The following BDP1 variants were observed in gnomAD, a reference collection of about 807,000 sequenced individuals.
BDP1 encodes the protein BDP1 general transcription factor IIIB subunit.
Under a neutral mutation model 266.6 loss-of-function variants are expected in BDP1, and 169 were observed. The ratio of observed to expected loss-of-function variants is 0.63; its 90% CI spans 0.56 to 0.72. The LOEUF (loss-of-function observed/expected upper bound fraction) is 0.72. Ranked by LOEUF, BDP1 falls within the 30% of genes least tolerant of loss-of-function variation. The pLI, the probability that BDP1 is intolerant of heterozygous loss-of-function variation, is 0.00. For missense variants in BDP1, 3,015 were observed against 3,053.8 expected (o/e 0.99, Z 0.30); for synonymous variants, 1,090 against 1,022.4 (o/e 1.07, Z -1.26).
At chr5:71,503,152 A>T (rs1404371605) in intron 15 of BDP1, among the ~76,000 whole-genome samples, 1 of 151,866 alleles carries the variant, frequency 6.6e-6, no homozygotes, top group Admixed American at 6.6e-5. Flanking sequence ...ACGCCTGGCT[A>T]ATTTTTGTAT....
chr5:71,461,058 C>T (rs1761525927), intron 2 of BDP1, among the ~76,000 whole-genome samples: 2 of 152,214 alleles, frequency 1.3e-5, no homozygotes, highest in Non-Finnish European at 1.5e-5. Context: ...CAGTTCACTG[C>T]AGCCTCAACC....
At position 71,541,552 on chromosome 5, in the gene BDP1, G is replaced by A. The variant is rs772354301; in HGVS notation, c.6121G>A (p.Glu2041Lys). ...TCACAAAATTGTTCATGAATGTCAG[G>A]AACTTTCTTCACCTGTCATTACTAC... ...VNHKIVHECQ[E>K]LSSPVITTSP... The change falls in exon 29 of 39, where the codon GAA becomes AAA. Residue 2041 changes from glutamate (E) to lysine (K), a missense_variant. Physicochemically the swap from Glu to Lys is moderately conservative, Grantham distance 56 (BLOSUM62 1). Around this residue, in one of 3 missense-constraint regions of BDP1, gnomAD observed 2,383 missense variants for 2,404.9 expected, o/e 0.99. Transcript: ENST00000358731. 1.2e-6 allele frequency: 2 copies of A among 1,612,044 alleles called. No homozygotes were observed. The highest frequency in any genetic ancestry group is 1.7e-6 in the Non-Finnish European group (2 of 1,178,788).
At chr5:71,556,594 T>G (rs1173664137) in intron 35 of BDP1, among the ~76,000 whole-genome samples, 2 of 152,194 alleles carry the variant, frequency 1.3e-5, no homozygotes, top group Non-Finnish European at 2.9e-5. Context: ...CGAGCTCTAC[T>G]TGATTGTGAT....
chr5:71,503,585 C>G (rs1764394627), intron 15 of BDP1, among the ~76,000 whole-genome samples: 1 of 152,098 alleles, frequency 6.6e-6, no homozygotes, highest in Non-Finnish European at 1.5e-5. Context: ...ATTCCAAGAA[C>G]AAAGACTGTG....
Position 71,522,419 on chromosome 5 carries a change from C to T in BDP1, c.5122C>T (p.Gln1708Ter). 1 of 1,612,728 alleles carries T rather than the reference C, an allele frequency of 6.2e-7. No homozygotes were observed. Among genetic ancestry groups the T allele is most frequent in the South Asian group, 1.1e-5 (1 of 91,022 alleles). Reference protein sequence around the residue: ...EPVLEKVTTDQSKEGKPEDHL... With the variant: ...EPVLEKVTTD ...AGTTTTAGAAAAAGTCACAACAGAT[C>T]AGAGCAAGGAAGGCAAGCCAGAAGA... The change falls in exon 23 of 39, where the codon CAG becomes TAG. Residue 1708 changes from glutamine (Q) to a stop codon, truncating the protein, a stop_gained. Coordinates refer to ENST00000358731, the MANE Select transcript of BDP1 (RefSeq NM_018429.3). LOFTEE classifies it high-confidence loss of function.
Position 71,497,334 on chromosome 5 carries a change from A to C in BDP1, c.1864A>C (p.Asn622His). 2.5e-6 allele frequency: 4 copies of C among 1,613,918 alleles called. No homozygotes were observed. Among genetic ancestry groups the C allele is most frequent in the Non-Finnish European group, 3.4e-6 (4 of 1,179,934 alleles). ...LRGRFQRPKP[N>H]LSRAGKKSVL... ...AGGTCGCTTCCAAAGACCTAAACCCAATTTGTCAAGGGCTGGGAAGAAATC... is the reference window on the plus strand; with the variant it reads ...AGGTCGCTTCCAAAGACCTAAACCCCATTTGTCAAGGGCTGGGAAGAAATC... Residue 622 changes from asparagine to histidine, a missense_variant, in exon 13 of 39, where the codon AAT becomes CAT. By Grantham distance (68) the Asn-to-His change is moderately conservative. Transcript: ENST00000358731.
chr5:71,462,242 C>T (rs1021991807), intron 3 of BDP1, among the ~76,000 whole-genome samples: 3 of 152,150 alleles, frequency 2.0e-5, no homozygotes, highest in African/African-American at 4.8e-5. Flanking sequence ...AGATTACAGG[C>T]GTGAGCCACT....
rs1765656746 is a variant in BDP1 at position 71,524,272 on chromosome 5, T to G, written c.5721T>G (p.Gly1907=). The G allele has an allele frequency of 1.2e-6, 2 of 1,609,746 alleles. No homozygotes were observed. Among genetic ancestry groups the G allele is most frequent in the Non-Finnish European group, 1.7e-6 (2 of 1,176,158 alleles). The change falls in exon 25 of 39, where the codon GGT becomes GGG. Residue 1907 remains glycine (G), a synonymous_variant. Transcript: ENST00000358731. ...VNKAPVFVPV[G]LRSPEPVSAQ... ...AAGCTCCAGTATTTGTACCTGTTGG[T>G]CTCAGATCTCCTGAACCTGTTTCTG... is the stretch of plus-strand genomic sequence containing the variant.
intron 9 of BDP1, 68 bp downstream of exon 9, chr5:71,486,695 G>A (rs543758065): frequency 5.5e-6 from 7 of 1,282,764 alleles, no homozygotes; most frequent in East Asian, 2.8e-5. Context: ...TGTCCCTCAG[G>A]CCTTTGAGAG....
At chr5:71,555,844 T>C (rs1040907505) in intron 35 of BDP1, among the ~76,000 whole-genome samples, 5 of 152,218 alleles carry the variant, frequency 3.3e-5, no homozygotes, top group African/African-American at 9.6e-5. Flanking sequence ...TCATTACTTA[T>C]ATGTTCTCAA....
At position 71,567,088 on chromosome 5, in the gene BDP1, T is replaced by A. The variant is rs1561801276; in HGVS notation, c.*2203T>A. 6.6e-6 allele frequency: 1 copy of A among 152,238 alleles called. No individual in the cohort carries two copies. The highest frequency in any genetic ancestry group is 1.5e-5 in the Non-Finnish European group (1 of 68,042). 9.4% of individuals were successfully genotyped at this position (152,238 alleles called of 1,614,324 possible). A position where few individuals can be genotyped will look rare whatever the true frequency, so the allele number is the denominator to read the frequency against. On this transcript the variant is annotated 3_prime_UTR_variant, in exon 39 of 39. Transcript: ENST00000358731. ...TATAAGTAGGCATTTATTTCATGATTGATATGTCACAGAAATCATGGTAGT... is the reference window on the plus strand; with the variant it reads ...TATAAGTAGGCATTTATTTCATGATAGATATGTCACAGAAATCATGGTAGT...
chr5:71,553,985 C>A (rs1057261897), intron 35 of BDP1, among the ~76,000 whole-genome samples: 3 of 152,186 alleles, frequency 2.0e-5, no homozygotes, highest in Non-Finnish European at 2.9e-5. Context: ...AATTCAGTCA[C>A]CAACCACTAT....
chr5:71,500,242 G>A (rs1195987253), intron 13 of BDP1, among the ~76,000 whole-genome samples: 1 of 145,534 alleles, frequency 6.9e-6, no homozygotes, highest in Non-Finnish European at 1.5e-5. Context: ...ACAGATTCAT[G>A]TAAAAGTTAA....
Position 71,512,152 on chromosome 5 carries a change from GT to G in BDP1, c.4060-86del, listed in dbSNP as rs1391290491. On this transcript the variant is annotated intron_variant, in intron 17 of 38. Transcript: ENST00000358731. ...AACTTCTAAAGTTTTAAAGGAAAGT[GT>G]TTAGAATTTAGTAGACTTTTGTTTT... 3.0e-5 allele frequency: 19 copies of G among 625,062 alleles called. No homozygotes were observed. In the Admixed American group the frequency reaches 5.4e-4, roughly 18 times the overall value. The allele number at this position is 625,062 out of a possible 1,614,324, so 38.7% of individuals were successfully genotyped here. A position where few individuals can be genotyped will look rare whatever the true frequency, so the allele number is the denominator to read the frequency against.
downstream of BDP1, among the ~76,000 whole-genome samples, chr5:71,568,326 G>A (rs916582366): frequency 3.3e-5 from 5 of 152,094 alleles, no homozygotes; most frequent in Non-Finnish European, 7.4e-5. Flanking sequence ...ACTAAAAATC[G>A]GCAGTCTTAC....
intron 7 of BDP1, among the ~76,000 whole-genome samples, chr5:71,480,294 T>G (rs146810796): frequency 2.4e-4 from 19 of 79,776 alleles, no homozygotes; most frequent in Non-Finnish European, 2.7e-4. Flanking sequence ...TTTTTTTTTT[T>G]TTTTTTTTTT....
intron 35 of BDP1, among the ~76,000 whole-genome samples, chr5:71,554,280 ACTTTTC>A (rs1363901200): frequency 6.6e-6 from 1 of 152,140 alleles, no homozygotes; most frequent in South Asian, 2.1e-4. Context: ...CTATGAACTG[ACTTTTC>A]CTTTACCCAC....
rs1561728212 is a variant in BDP1, at chr5:71,510,352, TAG to T, written c.3264_3265del (p.Glu1088AspfsTer7). On this transcript the variant is annotated frameshift_variant, in exon 17 of 39. Coordinates refer to ENST00000358731, the MANE Select transcript of BDP1 (RefSeq NM_018429.3). LOFTEE classifies it high-confidence loss of function. ...GAGGTGATTGATGCCATTGAGGAAA[TAG>T]AGATAGATTTGGAAGAAACTGAAAG... 6.2e-7 allele frequency: 1 copy of T among 1,610,886 alleles called. No homozygotes were observed. The highest frequency in any genetic ancestry group is 1.1e-5 in the South Asian group (1 of 90,932).
At chr5:71,527,772 A>G (rs1004294076) in intron 25 of BDP1, among the ~76,000 whole-genome samples, 2 of 151,516 alleles carry the variant, frequency 1.3e-5, no homozygotes, top group African/African-American at 4.9e-5. Context: ...TTTTTGCGGG[A>G]TATACCCAGA....
Sources: gnomAD v4.1 joint callset for allele counts (sites outside exome capture counted in the v4.1 genomes callset) on GRCh38, gnomAD v4.1.1 for gene constraint, gnomAD v4.1.1 regional missense constraint, MANE v1.5 for transcripts, NCBI Gene and HGNC (gene_info 2026-07-23, HGNC 2026-07-21) for gene names.